Variants in SLC7A8 observed in about 807,000 individuals in gnomAD.
SLC7A8 encodes the protein solute carrier family 7 member 8.
SLC7A8 carries 30 observed loss-of-function variants against 51.2 expected under a neutral mutation model. The observed-to-expected ratio is 0.59, with a 90% CI of 0.44 to 0.80. The LOEUF is 0.80. Ranked by LOEUF, SLC7A8 falls within the 30% of genes least tolerant of loss-of-function variation. The pLI is 0.00. For missense variants in SLC7A8, 612 were observed against 674.4 expected (o/e 0.91, Z 1.03); for synonymous variants, 257 against 275.8 (o/e 0.93, Z 0.67).
In SLC7A8 at chr14:23,165,425, A is replaced by C; in HGVS notation, c.368T>G (p.Leu123Arg). The C allele has an allele frequency of 6.3e-7, 1 of 1,587,238 alleles. No homozygotes were observed. Among genetic ancestry groups the C allele is most frequent in the South Asian group, 1.1e-5 (1 of 87,326 alleles). Residue 123 changes from leucine to arginine, a missense_variant, in exon 3 of 11, where the codon CTG becomes CGG. Leu to Arg is a moderately radical substitution (Grantham distance 102, BLOSUM62 -2). Coordinates refer to ENST00000316902, the MANE Select transcript of SLC7A8 (RefSeq NM_012244.4). The surrounding 1 kb of genome is among the most constrained non-coding windows in gnomAD (Gnocchi z 4.2). The part of the protein sequence containing the change: ...IFGGLAGFLR[L>R]WIAVLVIYPT... Reference sequence around the variant, plus strand: ...GTAGATCACCAGCACAGCAATCCACAGCCTCAGGAACCTGAAGGAGGAAAG... The same window carrying C: ...GTAGATCACCAGCACAGCAATCCACCGCCTCAGGAACCTGAAGGAGGAAAG...
intron 1 of SLC7A8, among the ~76,000 whole-genome samples, chr14:23,177,591 G>T (rs1429131842): frequency 6.6e-6 from 1 of 152,144 alleles, no homozygotes; most frequent in East Asian, 1.9e-4. Context: ...CACAGATTCT[G>T]GTTACATACC....
intron 1 of SLC7A8, among the ~76,000 whole-genome samples, chr14:23,179,091 C>T (rs1372012143): frequency 6.6e-6 from 1 of 152,000 alleles, no homozygotes; most frequent in African/African-American, 2.4e-5. Context: ...ATGCTTTTAC[C>T]TAAGAAAACT....
chr14:23,181,028 A>T (rs1018374575), intron 1 of SLC7A8, among the ~76,000 whole-genome samples: 1 of 150,110 alleles, frequency 6.7e-6, no homozygotes, highest in African/African-American at 2.4e-5. Context: ...CTCCGTCTGA[A>T]CAAAAAAAAA....
In SLC7A8 at chr14:23,127,304, A is replaced by C; in HGVS notation, c.1481T>G (p.Val494Gly). Residue 494 changes from valine to glycine, a missense_variant, in exon 11 of 11, where the codon GTG becomes GGG. Coordinates refer to ENST00000316902, the MANE Select transcript of SLC7A8 (RefSeq NM_012244.4). ...TLVSQKMCVV[V>G]YPEVERGSGT... ...TGAGCCCCGCTCCACCTCGGGGTAC[A>C]CGACCACACACATCTTCTGGCTCAC... 4 of 1,614,062 alleles carry C rather than the reference A, an allele frequency of 2.5e-6. No homozygotes were observed. The highest frequency in any genetic ancestry group is 3.4e-6 in the Non-Finnish European group (4 of 1,179,956).
intron 4 of SLC7A8, 116 bp from the exon 5 acceptor site, chr14:23,140,740 T>C: frequency 9.9e-7 from 1 of 1,013,460 alleles, no homozygotes; most frequent in South Asian, 1.6e-5. Context: ...CAACTCTGTC[T>C]TGTCTCCAGT....
At chr14:23,137,526 G>A (rs950114326) in intron 7 of SLC7A8, among the ~76,000 whole-genome samples, 1 of 152,154 alleles carries the variant, frequency 6.6e-6, no homozygotes, top group African/African-American at 2.4e-5. Flanking sequence ...CTTTCCAAAT[G>A]GGGTTCTTTT....
At chr14:23,160,194 G>C (rs867766903) in intron 3 of SLC7A8, among the ~76,000 whole-genome samples, 2 of 152,180 alleles carry the variant, frequency 1.3e-5, no homozygotes, top group Non-Finnish European at 2.9e-5. Context: ...CCTGGACCCA[G>C]TGCTTCCTCT....
chr14:23,155,370 C>T, intron 3 of SLC7A8: 1 of 1,510,630 alleles, frequency 6.6e-7, no homozygotes, highest in Non-Finnish European at 8.8e-7. Flanking sequence ...CCCTCCCCTC[C>T]TCCCTTCCTG....
At chr14:23,169,626 C>G (rs1409409310) in intron 1 of SLC7A8, among the ~76,000 whole-genome samples, 1 of 152,016 alleles carries the variant, frequency 6.6e-6, no homozygotes, top group African/African-American at 2.4e-5. Context: ...AGGCTGGTCT[C>G]GATCTCCTGA....
At chr14:23,169,251 G>C (rs1362339802) in intron 1 of SLC7A8, among the ~76,000 whole-genome samples, 2 of 152,108 alleles carry the variant, frequency 1.3e-5, no homozygotes, top group Non-Finnish European at 2.9e-5. Flanking sequence ...CCAGATACTA[G>C]AGAGGCTGAG....
intron 3 of SLC7A8, among the ~76,000 whole-genome samples, chr14:23,163,383 C>T (rs2048933857): frequency 6.6e-6 from 1 of 152,230 alleles, no homozygotes; most frequent in Non-Finnish European, 1.5e-5. Context: ...TTGGAGCCTG[C>T]ATTCCTCTGC....
chr14:23,153,248 G>C (rs916444421), intron 3 of SLC7A8, among the ~76,000 whole-genome samples: 3 of 152,172 alleles, frequency 2.0e-5, no homozygotes, highest in African/African-American at 7.2e-5. Context: ...AAAGTGCTAG[G>C]ATTACAGTTG....
chr14:23,149,582 A>T (rs545793705), intron 3 of SLC7A8, among the ~76,000 whole-genome samples: 12 of 152,214 alleles, frequency 7.9e-5, no homozygotes, highest in Non-Finnish European at 1.6e-4. Context: ...TTATTATCCC[A>T]AGAGTCCTGA....
chr14:23,149,546 A>G (rs2140322093), intron 3 of SLC7A8, among the ~76,000 whole-genome samples: 1 of 152,332 alleles, frequency 6.6e-6, no homozygotes, highest in East Asian at 1.9e-4. Context: ...AGGCCATAAA[A>G]GAAGTCAAGA....
In SLC7A8 at chr14:23,131,556, G is replaced by T; in HGVS notation, c.1018C>A (p.Leu340Met). 1 of 1,599,414 alleles carries T rather than the reference G, an allele frequency of 6.3e-7. No individual in the cohort carries two copies. Among genetic ancestry groups the T allele is most frequent in the South Asian group, 1.1e-5 (1 of 88,898 alleles). ...CCCTCTCGGGCTCCAGCGAAGAACA[G>T]CCTGTCAGGGAGAAAAGCAGGTCAG... ...VNGSLFTSSR[L>M]FFAGAREGHL... Residue 340 changes from leucine (L) to methionine (M), a missense_variant and splice_region_variant, in exon 8 of 11, where the codon CTG (leucine) becomes ATG (methionine). Leu to Met is a conservative substitution (Grantham distance 15). Coordinates refer to ENST00000316902, the MANE Select transcript of SLC7A8 (RefSeq NM_012244.4).
chr14:23,146,263 A>C (rs1170214357), intron 3 of SLC7A8, among the ~76,000 whole-genome samples: 1 of 152,204 alleles, frequency 6.6e-6, no homozygotes, highest in African/African-American at 2.4e-5. Flanking sequence ...AAGGAACTGG[A>C]TCTTGATCTC....
At chr14:23,129,938 C>T (rs1594815233) in intron 8 of SLC7A8, 139 bp from the exon 9 acceptor site, 1 of 807,042 alleles carries the variant, frequency 1.2e-6, no homozygotes, top group East Asian at 2.6e-5. Context: ...TTTAGAACCT[C>T]CCCTAGTAAC....
chr14:23,148,562 G>C (rs1257849437), intron 3 of SLC7A8, among the ~76,000 whole-genome samples: 1 of 152,232 alleles, frequency 6.6e-6, no homozygotes, highest in African/African-American at 2.4e-5. Context: ...GATTATCCTG[G>C]ATTATCCAGA....
chr14:23,181,750 G>A (rs1034873297), intron 1 of SLC7A8, among the ~76,000 whole-genome samples: 2 of 152,210 alleles, frequency 1.3e-5, no homozygotes, highest in South Asian at 2.1e-4. Context: ...CTTTTTCTGG[G>A]AAGAAAGTAA....
Sources: gnomAD v4.1 joint callset for allele counts (sites outside exome capture counted in the v4.1 genomes callset) on GRCh38, gnomAD v4.1.1 for gene constraint, Gnocchi (gnomAD v3.1) non-coding constraint, MANE v1.5 for transcripts, NCBI Gene and HGNC (gene_info 2026-07-23, HGNC 2026-07-21) for gene names.